PRKD1: variants seen among roughly 807,000 people sequenced by gnomAD.
PRKD1 encodes protein kinase D1, also known as serine/threonine-protein kinase D1.
In PRKD1, 63 loss-of-function variants were observed where a neutral mutation model predicts 95.9. The ratio of observed to expected loss-of-function variants is 0.66; its 90% confidence interval spans 0.54 to 0.81. The LOEUF is 0.81. Among genes scored for constraint, PRKD1 ranks in the 30% least tolerant of loss-of-function variants. The probability of loss-of-function intolerance (pLI) is 0.00; values close to 1 mark genes in which losing one functional copy is unlikely to be tolerated. For missense variants in PRKD1, 1,048 were observed against 1,165.3 expected (o/e 0.90, Z 1.47); for synonymous variants, 425 against 423.1 (o/e 1.00, Z -0.05).
intron 1 of PRKD1, among the ~76,000 whole-genome samples, chr14:29,791,728 A>T (rs958679877): frequency 6.6e-6 from 1 of 152,266 alleles, no homozygotes; most frequent in South Asian, 2.1e-4. Context: ...GTTGATGCAC[A>T]TGTCAGTTAT....
At chr14:29,593,631 G>A (rs1390302355) in intron 16 of PRKD1, among the ~76,000 whole-genome samples, 2 of 152,182 alleles carry the variant, frequency 1.3e-5, no homozygotes, top group Non-Finnish European at 2.9e-5. Flanking sequence ...GGGTATCATT[G>A]CTTTAAGAAG....
chr14:29,713,546 A>C (rs1249026140), intron 2 of PRKD1, among the ~76,000 whole-genome samples: 1 of 152,188 alleles, frequency 6.6e-6, no homozygotes, highest in East Asian at 1.9e-4. Context: ...GACAACATCC[A>C]TTGTCAGTTA....
At chr14:29,599,206 A>T (rs1397119941) in intron 14 of PRKD1, 81 bp from the exon 15 acceptor site, 1 of 1,189,926 alleles carries the variant, frequency 8.4e-7, no homozygotes, top group Non-Finnish European at 1.2e-6. Flanking sequence ...CCAAGAAAAA[A>T]AACTGACAAT....
In PRKD1 at chr14:29,577,381, C is replaced by A; in HGVS notation, c.2596G>T (p.Asp866Tyr). The A allele has an allele frequency of 6.2e-7, 1 of 1,613,830 alleles. No homozygotes were observed. The highest frequency in any genetic ancestry group is 1.1e-5 in the South Asian group (1 of 91,074). Residue 866 changes from aspartate (D) to tyrosine (Y), a missense_variant, in exon 18 of 18, where the codon GAC becomes TAC. Asp to Tyr is a radical substitution (Grantham distance 160, BLOSUM62 -3). Around this residue, in one of 3 missense-constraint regions of PRKD1, gnomAD observed 739 missense variants for 861.9 expected, o/e 0.86. Coordinates refer to ENST00000331968, the MANE Select transcript of PRKD1 (RefSeq NM_002742.3). ...CCTGCATACTTCTCCCACCTCAGGT[C>A]ATCACTTTCATGGGTGATGTAGCGC... ...GERYITHESD[D>Y]LRWEKYAGEQ...
intron 1 of PRKD1, among the ~76,000 whole-genome samples, chr14:29,865,483 C>A (rs955616738): frequency 6.6e-6 from 1 of 152,092 alleles, no homozygotes; most frequent in East Asian, 1.9e-4. Context: ...GGATTTATGT[C>A]TTTATTGTTT....
intron 1 of PRKD1, among the ~76,000 whole-genome samples, chr14:29,898,647 T>C (rs2139425919): frequency 6.6e-6 from 1 of 152,292 alleles, no homozygotes; most frequent in Non-Finnish European, 1.5e-5. Context: ...AGATTGATAA[T>C]TCTGACCAAA....
intron 2 of PRKD1, among the ~76,000 whole-genome samples, chr14:29,700,980 G>GCA (rs1566547903): frequency 2.1e-4 from 7 of 33,992 alleles, no homozygotes; most frequent in Admixed American, 5.5e-4. Context: ...GCGCATGCGC[G>GCA]CGCGCGCGCA....
chr14:29,822,803 T>C (rs1040883223), intron 1 of PRKD1, among the ~76,000 whole-genome samples: 18 of 152,200 alleles, frequency 1.2e-4, no homozygotes, highest in African/African-American at 4.1e-4. Flanking sequence ...CATTCTTTAC[T>C]GATTCTTTTT....
At chr14:29,599,578 G>T in intron 14 of PRKD1, 78 bp downstream of exon 14, 1 of 1,386,638 alleles carries the variant, frequency 7.2e-7, no homozygotes, top group Non-Finnish European at 9.9e-7. Context: ...AAACAACAAG[G>T]CTAGAAAGCT....
chr14:29,690,585 G>A (rs1884171611), intron 2 of PRKD1, among the ~76,000 whole-genome samples: 1 of 152,064 alleles, frequency 6.6e-6, no homozygotes, highest in Non-Finnish European at 1.5e-5. Context: ...TCTTTCCCCT[G>A]CTTCACTCTT....
At chr14:29,890,881 T>C (rs555852059) in intron 1 of PRKD1, among the ~76,000 whole-genome samples, 2 of 152,304 alleles carry the variant, frequency 1.3e-5, no homozygotes, top group East Asian at 3.9e-4. Flanking sequence ...AATGTTAATG[T>C]TAATACTGAA....
At chr14:29,909,535 T>C (rs1005767876) in intron 1 of PRKD1, among the ~76,000 whole-genome samples, 1 of 152,164 alleles carries the variant, frequency 6.6e-6, no homozygotes, top group African/African-American at 2.4e-5. Context: ...GATACACCAA[T>C]CAGCCCTCTG....
intron 2 of PRKD1, among the ~76,000 whole-genome samples, chr14:29,717,038 T>A (rs1010117014): frequency 1.1e-4 from 16 of 152,192 alleles, no homozygotes; most frequent in African/African-American, 3.4e-4. Context: ...ATTTTACTAA[T>A]AGATTATGTC....
At chr14:29,885,741 C>T (rs1033478733) in intron 1 of PRKD1, among the ~76,000 whole-genome samples, 16 of 137,476 alleles carry the variant, frequency 1.2e-4, no homozygotes, top group African/African-American at 3.2e-4. Context: ...CTGAGGTGGG[C>T]GGATCACTTC....
chr14:29,919,670 G>A (rs1188637554), intron 1 of PRKD1, among the ~76,000 whole-genome samples: 1 of 152,276 alleles, frequency 6.6e-6, no homozygotes, highest in East Asian at 1.9e-4. Context: ...TCAATAGAAA[G>A]AGGGAAATGA....
intron 4 of PRKD1, among the ~76,000 whole-genome samples, chr14:29,660,716 T>C (rs1882142512): frequency 6.6e-6 from 1 of 152,080 alleles, no homozygotes; most frequent in South Asian, 2.1e-4. Flanking sequence ...CAAGAACACA[T>C]GTAAATAAAA....
intron 1 of PRKD1, among the ~76,000 whole-genome samples, chr14:29,922,124 A>C (rs1003025385): frequency 2.0e-5 from 3 of 151,992 alleles, no homozygotes; most frequent in Non-Finnish European, 2.9e-5. Flanking sequence ...ACACGGTGAA[A>C]CCCCATCTCT....
intron 1 of PRKD1, among the ~76,000 whole-genome samples, chr14:29,915,520 T>C (rs1478492529): frequency 6.6e-6 from 1 of 152,118 alleles, no homozygotes; most frequent in Non-Finnish European, 1.5e-5. Context: ...CCAATGACCG[T>C]CCAGTTCTAA....
chr14:29,808,036 A>C (rs1271581354), intron 1 of PRKD1, among the ~76,000 whole-genome samples: 10 of 152,106 alleles, frequency 6.6e-5, no homozygotes, highest in Non-Finnish European at 1.5e-4. Flanking sequence ...ATTTCTTAAC[A>C]TAAGACAACA....
Sources: gnomAD v4.1 joint callset for allele counts (sites outside exome capture counted in the v4.1 genomes callset) on GRCh38, gnomAD v4.1.1 for gene constraint, gnomAD v4.1.1 regional missense constraint, MANE v1.5 for transcripts, NCBI Gene and HGNC (gene_info 2026-07-23, HGNC 2026-07-21) for gene names.